Variants in NSG2 observed in about 807,000 individuals in gnomAD.
NSG2 encodes the protein neuronal vesicle trafficking-associated protein 2.
Under a neutral mutation model 16.9 loss-of-function variants are expected in NSG2, and 4 were observed. The ratio of observed to expected loss-of-function variants is 0.24; its 90% confidence interval spans 0.12 to 0.54. The LOEUF (loss-of-function observed/expected upper bound fraction) is 0.54. Ranked by LOEUF, NSG2 falls within the 20% of genes least tolerant of loss-of-function variation. The pLI, the probability that NSG2 is intolerant of heterozygous loss-of-function variation, is 0.95. For missense variants in NSG2, 179 were observed against 221.1 expected (o/e 0.81, Z 1.21); for synonymous variants, 98 against 88.7 (o/e 1.11, Z -0.59).
At chr5:174,049,413 C>T (rs1037206171) in intron 2 of NSG2, among the ~76,000 whole-genome samples, 1 of 151,288 alleles carries the variant, frequency 6.6e-6, no homozygotes, top group Non-Finnish European at 1.5e-5. Flanking sequence ...CAAGTGCTTC[C>T]TAAATTCTAA....
intron 3 of NSG2, among the ~76,000 whole-genome samples, chr5:174,067,297 T>C (rs1760158602): frequency 6.6e-6 from 1 of 152,256 alleles, no homozygotes; most frequent in African/African-American, 2.4e-5. Flanking sequence ...AGAGGTGACA[T>C]AACATGCTGA....
chr5:174,057,674 C>T (rs1759986949), intron 2 of NSG2, among the ~76,000 whole-genome samples: 1 of 152,208 alleles, frequency 6.6e-6, no homozygotes, highest in Non-Finnish European at 1.5e-5. Context: ...CTTCACTGCC[C>T]TCACATTAAT....
intron 4 of NSG2, among the ~76,000 whole-genome samples, chr5:174,106,019 G>C (rs1444227216): frequency 6.6e-6 from 1 of 152,182 alleles, no homozygotes; most frequent in African/African-American, 2.4e-5. Context: ...AATGAGGAAG[G>C]CAGGCCTCCA....
rs1761023138 is a variant in NSG2, at chr5:174,108,649, T to C, written c.*1144T>C. The C allele has an allele frequency of 6.6e-6, 1 of 152,314 alleles. No individual in the cohort carries two copies. The highest frequency in any genetic ancestry group is 2.4e-5 in the African/African-American group (1 of 41,432). 9.4% of individuals were successfully genotyped at this position (152,314 alleles called of 1,614,324 possible). ...AACTCCCCAACCGAGTTCTAGAAGCTCCTGACAAGGAGGCAGCATCCAGCC... is the reference window on the plus strand; with the variant it reads ...AACTCCCCAACCGAGTTCTAGAAGCCCCTGACAAGGAGGCAGCATCCAGCC... On this transcript the variant is annotated 3_prime_UTR_variant, in exon 5 of 5. Coordinates refer to ENST00000303177, the MANE Select transcript of NSG2 (RefSeq NM_015980.5).
In NSG2 at chr5:174,045,743, T is replaced by G. The variant is rs1482515142; in HGVS notation, c.-123T>G. ...CCAGACACACGCGAGGCGCTGTCCT[T>G]TCAGCACCACAAGCTCGGGCTGAGG... On this transcript the variant is annotated 5_prime_UTR_variant, in exon 1 of 5. Transcript: ENST00000303177. 6.6e-6 allele frequency: 1 copy of G among 152,412 alleles called. No homozygotes were observed. The highest frequency in any genetic ancestry group is 1.5e-5 in the Non-Finnish European group (1 of 68,088). 9.4% of individuals were successfully genotyped at this position (152,412 alleles called of 1,614,324 possible). A position where few individuals can be genotyped will look rare whatever the true frequency, so the allele number is the denominator to read the frequency against.
intron 3 of NSG2, among the ~76,000 whole-genome samples, chr5:174,076,940 A>G (rs1050749062): frequency 2.0e-5 from 3 of 152,194 alleles, no homozygotes; most frequent in Non-Finnish European, 4.4e-5. Context: ...CAGAAATCAA[A>G]CCATAGTCAC....
At chr5:174,080,674 G>T (rs1760444603) in intron 3 of NSG2, among the ~76,000 whole-genome samples, 1 of 152,022 alleles carries the variant, frequency 6.6e-6, no homozygotes, top group African/African-American at 2.4e-5. Flanking sequence ...TGATGGTTGT[G>T]CCTCAGCCTC....
chr5:174,086,549 G>C (rs1760626035), intron 3 of NSG2: 1 of 152,230 alleles, frequency 6.6e-6, no homozygotes, highest in Admixed American at 6.5e-5. Flanking sequence ...CTCATTGGTG[G>C]TGTGTGCCTG....
chr5:174,107,603 A>C lies in NSG2; in HGVS notation c.*98A>C. The C allele has an allele frequency of 6.0e-5, 28 of 467,852 alleles. No individual in the cohort carries two copies. The highest frequency in any genetic ancestry group is 7.3e-5 in the Non-Finnish European group (18 of 248,062). 29.0% of individuals were successfully genotyped at this position (467,852 alleles called of 1,614,324 possible). A position where few individuals can be genotyped will look rare whatever the true frequency, so the allele number is the denominator to read the frequency against. On this transcript the variant is annotated 3_prime_UTR_variant, in exon 5 of 5. Transcript: ENST00000303177. This position sits in a 1 kb window ranked among gnomAD's most constrained non-coding sequence, Gnocchi z 4.5. Reference sequence around the variant, plus strand: ...CAAGACAACACTGTACTCCTGGGATATGGGGGCGGGGGCGGGGCAGGGCAG... The same window carrying C: ...CAAGACAACACTGTACTCCTGGGATCTGGGGGCGGGGGCGGGGCAGGGCAG...
intron 2 of NSG2, among the ~76,000 whole-genome samples, chr5:174,058,161 A>G (rs1268918947): frequency 6.6e-6 from 1 of 152,188 alleles, no homozygotes; most frequent in Non-Finnish European, 1.5e-5. Flanking sequence ...GAAGATGTTG[A>G]GAGTGAGGTG....
chr5:174,087,567 G>A (rs879411503), intron 3 of NSG2, among the ~76,000 whole-genome samples: 3 of 151,882 alleles, frequency 2.0e-5, no homozygotes, highest in Non-Finnish European at 2.9e-5. Flanking sequence ...GTTACTTGAA[G>A]CCAAGAGTTT....
intron 3 of NSG2, among the ~76,000 whole-genome samples, chr5:174,102,716 T>A (rs778184444): frequency 2.6e-4 from 40 of 152,112 alleles, no homozygotes; most frequent in Non-Finnish European, 4.7e-4. Flanking sequence ...TGGAGACCAC[T>A]GCAGGCTTTC....
intron 3 of NSG2, among the ~76,000 whole-genome samples, chr5:174,097,461 C>CTGTGTGTGTGTA (rs1760815665): frequency 6.7e-6 from 1 of 149,614 alleles, no homozygotes; most frequent in Non-Finnish European, 1.5e-5. Context: ...TGGGGGGAGG[C>CTGTGTGTGTGTA]TGTGTGTGTG....
intron 3 of NSG2, among the ~76,000 whole-genome samples, chr5:174,087,593 AAC>A (rs1249893874): frequency 6.6e-6 from 1 of 151,938 alleles, no homozygotes; most frequent in Non-Finnish European, 1.5e-5. Flanking sequence ...CAGCCTGGGA[AAC>A]ACAGTGAGAC....
rs377389897 is a variant in NSG2 at position 174,109,098 on chromosome 5, A to C, written c.*1593A>C. 3.4e-4 allele frequency: 52 copies of C among 152,928 alleles called. No homozygotes were observed. The highest frequency in any genetic ancestry group is 1.3e-3 in the African/African-American group (52 of 41,578). 9.5% of individuals were successfully genotyped at this position (152,928 alleles called of 1,614,324 possible). A position where few individuals can be genotyped will look rare whatever the true frequency, so the allele number is the denominator to read the frequency against. On this transcript the variant is annotated 3_prime_UTR_variant, in exon 5 of 5. Transcript: ENST00000303177. ...AATTTTGTGGTGTATTTTTGTCAGT[A>C]GGTAGCAGAGGCGGAAGTATTTTTT...
At chr5:174,078,015 C>A (rs1454866241) in intron 3 of NSG2, among the ~76,000 whole-genome samples, 1 of 152,132 alleles carries the variant, frequency 6.6e-6, no homozygotes. Flanking sequence ...AATTGGAAGC[C>A]CCTAGCCACC....
intron 2 of NSG2, among the ~76,000 whole-genome samples, chr5:174,057,824 G>C (rs928947529): frequency 4.6e-5 from 7 of 152,158 alleles, no homozygotes; most frequent in African/African-American, 1.7e-4. Context: ...TGGCCTCCCG[G>C]ATGTCTTCTG....
At chr5:174,047,299 T>C (rs2113413816) in intron 2 of NSG2, among the ~76,000 whole-genome samples, 1 of 152,352 alleles carries the variant, frequency 6.6e-6, no homozygotes. Context: ...TAAGGCCCTG[T>C]CCCTATACTA....
At chr5:174,069,985 C>T (rs1222120296) in intron 3 of NSG2, among the ~76,000 whole-genome samples, 1 of 151,570 alleles carries the variant, frequency 6.6e-6, no homozygotes, top group African/African-American at 2.4e-5. Flanking sequence ...TCAAGTGATC[C>T]TCCCACCTTA....
Sources: allele counts gnomAD v4.1 joint callset (sites outside exome capture counted in the v4.1 genomes callset), GRCh38; gene constraint gnomAD v4.1.1; non-coding constraint Gnocchi (gnomAD v3.1); transcripts MANE v1.5; gene names NCBI Gene and HGNC (gene_info 2026-07-23, HGNC 2026-07-21).